The following GATA4 variants were observed in gnomAD, a reference collection of about 807,000 sequenced individuals.
GATA4 encodes the protein transcription factor GATA-4.
Under a neutral mutation model 37.9 loss-of-function variants are expected in GATA4, and 7 were observed. The observed-to-expected ratio is 0.18, with a 90% CI of 0.11 to 0.35. The LOEUF is 0.35. GATA4 is among the 10% of genes least tolerant of loss of function. GATA4 has a pLI of 1.00. For missense variants in GATA4, 647 were observed against 653.0 expected, an observed-to-expected ratio of 0.99 and a Z score of 0.10; for synonymous variants, 372 against 292.6, an observed-to-expected ratio of 1.27 and a Z score of -2.77.
intron 2 of GATA4, among the ~76,000 whole-genome samples, chr8:11,727,640 C>T (rs538058656): frequency 6.6e-6 from 1 of 151,980 alleles, no homozygotes; most frequent in African/African-American, 2.4e-5. Context: ...CTCAGGAGTT[C>T]GAGACCAGAC....
chr8:11,736,155 C>G (rs1222725477), intron 2 of GATA4, among the ~76,000 whole-genome samples: 1 of 151,926 alleles, frequency 6.6e-6, no homozygotes, highest in Non-Finnish European at 1.5e-5. Flanking sequence ...AAGCCATACT[C>G]CGACCTCACA....
chr8:11,751,229 A>T (rs1802286776), intron 4 of GATA4, among the ~76,000 whole-genome samples: 2 of 152,238 alleles, frequency 1.3e-5, no homozygotes, highest in Non-Finnish European at 2.9e-5. Context: ...AGCTTCTACA[A>T]AGCTCTTTAA....
intron 2 of GATA4, among the ~76,000 whole-genome samples, chr8:11,740,647 G>T (rs1017557743): frequency 2.0e-5 from 3 of 152,188 alleles, no homozygotes; most frequent in African/African-American, 7.2e-5. Flanking sequence ...TGGTATAGGG[G>T]CAAAATGCTG....
intron 2 of GATA4, among the ~76,000 whole-genome samples, chr8:11,713,321 C>G (rs968783069): frequency 2.0e-5 from 3 of 152,076 alleles, no homozygotes; most frequent in Admixed American, 1.3e-4. Context: ...AATTATGTGA[C>G]CTTACTGAGG....
At chr8:11,692,353 A>G (rs1799340278), upstream of GATA4, among the ~76,000 whole-genome samples, 1 of 152,252 alleles carries the variant, frequency 6.6e-6, no homozygotes, top group South Asian at 2.1e-4. Context: ...TTAGAAACGT[A>G]CAAAAAATTT....
chr8:11,698,350 C>G (rs995499701), intron 1 of GATA4, among the ~76,000 whole-genome samples: 7 of 152,216 alleles, frequency 4.6e-5, no homozygotes, highest in African/African-American at 1.7e-4. Flanking sequence ...ATGCTGAGTA[C>G]TCATGCCTGT....
chr8:11,745,803 C>T (rs750291145), intron 2 of GATA4, among the ~76,000 whole-genome samples: 1 of 152,050 alleles, frequency 6.6e-6, no homozygotes, highest in East Asian at 1.9e-4. Context: ...GAGGAACATA[C>T]TGAGATATTT....
intron 2 of GATA4, among the ~76,000 whole-genome samples, chr8:11,730,679 A>G (rs1016386395): frequency 2.6e-5 from 4 of 152,214 alleles, no homozygotes; most frequent in Non-Finnish European, 5.9e-5. Context: ...GGTAGCACTG[A>G]GGCCCAGCCA....
chr8:11,750,258 G>A, intron 4 of GATA4, 22 bp downstream of exon 4: 1 of 1,610,982 alleles, frequency 6.2e-7, no homozygotes, highest in South Asian at 1.1e-5. Context: ...CTGCGCCCAT[G>A]CGGCATCCTT....
At chr8:11,732,673 G>A (rs971685785) in intron 2 of GATA4, among the ~76,000 whole-genome samples, 2 of 152,224 alleles carry the variant, frequency 1.3e-5, no homozygotes, top group Admixed American at 6.5e-5. Context: ...GGAATTTGAG[G>A]AGGATGTGTG....
intron 2 of GATA4, among the ~76,000 whole-genome samples, chr8:11,731,620 CAG>C (rs1263970249): frequency 2.6e-5 from 4 of 152,120 alleles, no homozygotes; most frequent in Non-Finnish European, 5.9e-5. Context: ...TTAATGGGTG[CAG>C]AGTTTCAGTT....
chr8:11,715,455 T>A (rs1286773723), intron 2 of GATA4, among the ~76,000 whole-genome samples: 2 of 152,150 alleles, frequency 1.3e-5, no homozygotes, highest in East Asian at 3.8e-4. Context: ...AATGTAAAAA[T>A]TTCAAATCAT....
chr8:11,728,188 C>T (rs1801029321), intron 2 of GATA4, among the ~76,000 whole-genome samples: 1 of 152,162 alleles, frequency 6.6e-6, no homozygotes. Context: ...GGGGTTTCAT[C>T]ATGTTGGCCA....
At chr8:11,691,568 A>G (rs2129978152), upstream of GATA4, among the ~76,000 whole-genome samples, 2 of 152,336 alleles carry the variant, frequency 1.3e-5, no homozygotes, top group Admixed American at 6.5e-5. Flanking sequence ...GGAACCTGGG[A>G]GACAGTTTAG....
intron 1 of GATA4, among the ~76,000 whole-genome samples, chr8:11,693,558 CACACAGAGAGAGAGAGAG>C (rs1445839457): frequency 3.6e-5 from 3 of 82,328 alleles, no homozygotes; most frequent in South Asian, 4.7e-4. Flanking sequence ...CACACACACA[CACACAGAGAGAGAGAGAG>C]AGAGAGAGAG....
At chr8:11,705,581 C>T (rs1176711509) in intron 1 of GATA4, among the ~76,000 whole-genome samples, 1 of 152,206 alleles carries the variant, frequency 6.6e-6, no homozygotes, top group Non-Finnish European at 1.5e-5. Context: ...AGCAAAAACT[C>T]CCCGATTTTG....
chr8:11,757,165 G>A (rs1269658362), intron 6 of GATA4, 82 bp downstream of exon 6: 3 of 1,569,482 alleles, frequency 1.9e-6, no homozygotes, highest in Non-Finnish European at 2.6e-6. Context: ...GTACTGGGTG[G>A]GACTTGCAGC....
rs189792037 is a variant in GATA4 at position 11,719,619 on chromosome 8, C to T, written c.616+10691C>T. On this transcript the variant is annotated intron_variant, in intron 2 of 6. Transcript: ENST00000532059. ...GGTAATCTTACCATCCAAAGATAAC[C>T]ACTGTTAGGCATTAATCCTTGACTT... 5.7e-3 allele frequency among the ~76,000 whole-genome samples: 861 copies of T among 152,150 alleles called. 7 individuals are homozygous for T. Among genetic ancestry groups the T allele is most frequent in the Non-Finnish European group, 7.9e-3 (538 of 68,006 alleles).
intron 2 of GATA4, among the ~76,000 whole-genome samples, chr8:11,739,537 A>G (rs7827193): frequency 0.11 from 16,573 of 150,378 alleles, 1,429 homozygotes; most frequent in African/African-American, 0.2. Flanking sequence ...ACACACACGG[A>G]AACTTCTGGC....
Sources: allele counts gnomAD v4.1 joint callset (sites outside exome capture counted in the v4.1 genomes callset), GRCh38; gene constraint gnomAD v4.1.1; transcripts MANE v1.5; gene names NCBI Gene and HGNC (gene_info 2026-07-23, HGNC 2026-07-21).